PTPRD: variants seen among roughly 807,000 people sequenced by gnomAD.
PTPRD encodes protein tyrosine phosphatase receptor type D.
A neutral mutation model predicts 214.5 loss-of-function variants in PTPRD; 34 were observed. The observed-to-expected ratio is 0.16, with a 90% CI of 0.12 to 0.21. PTPRD has a LOEUF of 0.21. Among genes scored for constraint, PTPRD ranks in the 10% least tolerant of loss-of-function variants. The pLI is 1.00. For missense variants in PTPRD, 2,545 were observed against 2,398.7 expected (o/e 1.06, Z -1.27); for synonymous variants, 1,128 against 845.7 (o/e 1.33, Z -5.79).
intron 2 of PTPRD, among the ~76,000 whole-genome samples, chr9:10,570,685 C>T (rs1448856766): frequency 1.3e-5 from 2 of 152,120 alleles, no homozygotes; most frequent in South Asian, 2.1e-4. Flanking sequence ...ACCCATTCAA[C>T]TCCCTCCTTT....
chr9:9,256,973 C>T (rs910963956), intron 9 of PTPRD, among the ~76,000 whole-genome samples: 4 of 152,014 alleles, frequency 2.6e-5, no homozygotes, highest in Non-Finnish European at 5.9e-5. Context: ...TTGCTCATGC[C>T]CCACTTCTCT....
At chr9:8,633,757 CTATT>C (rs1564858677) in intron 13 of PTPRD, among the ~76,000 whole-genome samples, 1 of 152,048 alleles carries the variant, frequency 6.6e-6, no homozygotes, top group South Asian at 2.1e-4. Flanking sequence ...CAATTTGACT[CTATT>C]AATTTTGCAA....
intron 12 of PTPRD, among the ~76,000 whole-genome samples, chr9:8,673,933 C>T (rs546551807): frequency 6.6e-6 from 1 of 152,192 alleles, no homozygotes. Context: ...CACATCCTGC[C>T]CCCTATTCTG....
intron 11 of PTPRD, among the ~76,000 whole-genome samples, chr9:8,784,147 T>G (rs1322450036): frequency 6.6e-6 from 1 of 152,230 alleles, no homozygotes; most frequent in Admixed American, 6.5e-5. Context: ...AACGGTGTTG[T>G]GCTCCATAAA....
At chr9:8,804,349 G>C (rs2096631177) in intron 11 of PTPRD, among the ~76,000 whole-genome samples, 1 of 151,952 alleles carries the variant, frequency 6.6e-6, no homozygotes. Flanking sequence ...TGCAATCCCA[G>C]CATTTTGGGA....
intron 11 of PTPRD, among the ~76,000 whole-genome samples, chr9:8,979,588 A>T (rs2099295413): frequency 6.6e-6 from 1 of 152,158 alleles, no homozygotes; most frequent in Non-Finnish European, 1.5e-5. Context: ...ACTTGAACAG[A>T]CATTTCTCCA....
At chr9:9,452,611 T>C (rs2092404343) in intron 8 of PTPRD, among the ~76,000 whole-genome samples, 1 of 151,296 alleles carries the variant, frequency 6.6e-6, no homozygotes, top group African/African-American at 2.4e-5. Context: ...CTCATCTTTA[T>C]ACAATTATCA....
At chr9:8,957,128 C>T (rs1317794788) in intron 11 of PTPRD, among the ~76,000 whole-genome samples, 2 of 151,830 alleles carry the variant, frequency 1.3e-5, no homozygotes, top group African/African-American at 2.4e-5. Context: ...TGCACTATGA[C>T]AATAGATGAA....
At position 9,959,563 on chromosome 9, in the gene PTPRD, C is replaced by T. The variant is rs779594360; in HGVS notation, c.-471-20953G>A. Among the ~76,000 whole-genome samples, 51 of 152,174 alleles carry T rather than the reference C, an allele frequency of 3.4e-4. 2 individuals are homozygous for T. The highest frequency in any genetic ancestry group is 2.6e-3 in the Admixed American group (40 of 15,282). On this transcript the variant is annotated intron_variant, in intron 4 of 45. Transcript: ENST00000381196. ...TATGGCAAGAGAATCTATCTTCCTA[C>T]GACAAATATATGAAAAACCTCACTG...
chr9:10,527,136 A>G (rs1367326616), intron 2 of PTPRD, among the ~76,000 whole-genome samples: 1 of 152,166 alleles, frequency 6.6e-6, no homozygotes, highest in Non-Finnish European at 1.5e-5. Context: ...TCACCAGGCT[A>G]TGGTGTGAAT....
At chr9:10,355,894 A>T (rs575492399) in intron 2 of PTPRD, among the ~76,000 whole-genome samples, 10 of 152,186 alleles carry the variant, frequency 6.6e-5, no homozygotes, top group Non-Finnish European at 1.5e-4. Context: ...ATCTAGGTAA[A>T]TATTGTCAGT....
chr9:9,388,558 A>G (rs1305590543), intron 9 of PTPRD, among the ~76,000 whole-genome samples: 1 of 152,166 alleles, frequency 6.6e-6, no homozygotes, highest in Non-Finnish European at 1.5e-5. Context: ...TCAGGTACTG[A>G]AGAGAAAGCA....
chr9:8,683,763 G>A (rs1173684309), intron 12 of PTPRD, among the ~76,000 whole-genome samples: 1 of 152,172 alleles, frequency 6.6e-6, no homozygotes, highest in Non-Finnish European at 1.5e-5. Flanking sequence ...CAGCTAAGTC[G>A]CAAGGAGACA....
chr9:9,645,344 G>A (rs2096119546), intron 7 of PTPRD, among the ~76,000 whole-genome samples: 1 of 152,016 alleles, frequency 6.6e-6, no homozygotes, highest in Non-Finnish European at 1.5e-5. Context: ...AGTATTTTGA[G>A]GAGAGCTCAT....
chr9:9,453,429 T>G (rs1207924375), intron 8 of PTPRD, among the ~76,000 whole-genome samples: 4 of 151,642 alleles, frequency 2.6e-5, no homozygotes, highest in Non-Finnish European at 5.9e-5. Flanking sequence ...TACCACATCA[T>G]TATCACCATT....
intron 11 of PTPRD, among the ~76,000 whole-genome samples, chr9:8,967,792 G>A (rs780224412): frequency 1.3e-5 from 2 of 151,996 alleles, no homozygotes; most frequent in East Asian, 1.9e-4. Context: ...TAGGGTACAA[G>A]TGCACAACGT....
At chr9:9,961,108 A>G (rs1315322426) in intron 4 of PTPRD, among the ~76,000 whole-genome samples, 2 of 152,144 alleles carry the variant, frequency 1.3e-5, no homozygotes, top group Non-Finnish European at 2.9e-5. Context: ...ATGAATTACA[A>G]CTAGGTTAAA....
At chr9:10,375,904 T>A (rs2097718833) in intron 2 of PTPRD, among the ~76,000 whole-genome samples, 1 of 152,068 alleles carries the variant, frequency 6.6e-6, no homozygotes. Flanking sequence ...TTTGCATTTA[T>A]CCTTTCATTT....
intron 7 of PTPRD, among the ~76,000 whole-genome samples, chr9:9,704,310 T>C (rs1320380265): frequency 2.0e-5 from 3 of 152,134 alleles, no homozygotes; most frequent in Non-Finnish European, 4.4e-5. Flanking sequence ...AAAAAAAAAT[T>C]GTAGCCCTTT....
Sources: gnomAD v4.1 joint callset for allele counts (sites outside exome capture counted in the v4.1 genomes callset) on GRCh38, gnomAD v4.1.1 for gene constraint, MANE v1.5 for transcripts, NCBI Gene and HGNC (gene_info 2026-07-23, HGNC 2026-07-21) for gene names.